The following PCDH15 variants were observed in gnomAD, a reference collection of about 807,000 sequenced individuals.
PCDH15 encodes the protein protocadherin related 15, also known as protocadherin-15.
In PCDH15, 129 loss-of-function variants were observed where a neutral mutation model predicts 178.5. That is an observed-to-expected ratio of 0.72 (90% CI 0.63 to 0.84). The LOEUF (loss-of-function observed/expected upper bound fraction) is 0.84. Ranked by LOEUF, PCDH15 falls within the 40% of genes least tolerant of loss-of-function variation. The probability of loss-of-function intolerance (pLI) is 0.00; values close to 1 mark genes in which losing one functional copy is unlikely to be tolerated. For synonymous variants in PCDH15, 800 were observed against 732.0 expected, an observed-to-expected ratio of 1.09 and a Z score of -1.50; for missense variants, 2,230 against 2,099.9, an observed-to-expected ratio of 1.06 and a Z score of -1.21.
chr10:55,480,721 G>C (rs1227515846), intron 2 of PCDH15, among the ~76,000 whole-genome samples: 1 of 151,816 alleles, frequency 6.6e-6, no homozygotes, highest in South Asian at 2.1e-4. Context: ...TGTGCTGCTG[G>C]AGTCAGTTTG....
chr10:53,892,417 T>C (rs1476756372), intron 26 of PCDH15, among the ~76,000 whole-genome samples: 1 of 152,226 alleles, frequency 6.6e-6, no homozygotes, highest in Non-Finnish European at 1.5e-5. Context: ...TAATACGAAT[T>C]AAAGCAATTT....
At chr10:55,593,462 C>A (rs957313448) in intron 2 of PCDH15, among the ~76,000 whole-genome samples, 1 of 151,412 alleles carries the variant, frequency 6.6e-6, no homozygotes, top group African/African-American at 2.4e-5. Context: ...ATAATATATC[C>A]GAGAAGATAA....
intron 2 of PCDH15, among the ~76,000 whole-genome samples, chr10:54,623,037 C>G (rs913244837): frequency 6.6e-6 from 1 of 151,664 alleles, no homozygotes; most frequent in Non-Finnish European, 1.5e-5. Context: ...CCCACTACTT[C>G]CATATAAAGT....
At chr10:55,045,787 AATTGGTG>A (rs1367252513) in intron 2 of PCDH15, among the ~76,000 whole-genome samples, 5 of 152,006 alleles carry the variant, frequency 3.3e-5, no homozygotes, top group Non-Finnish European at 5.9e-5. Context: ...CAGTAATGTC[AATTGGTG>A]ATGGAGAAAA....
chr10:54,307,141 T>G (rs1180803322), intron 8 of PCDH15, among the ~76,000 whole-genome samples: 1 of 94,128 alleles, frequency 1.1e-5, no homozygotes, highest in African/African-American at 3.8e-5. Context: ...TATATATATA[T>G]ATATATATAA....
At chr10:54,875,428 C>T (rs1954123050) in intron 3 of PCDH15, among the ~76,000 whole-genome samples, 1 of 152,096 alleles carries the variant, frequency 6.6e-6, no homozygotes, top group Non-Finnish European at 1.5e-5. Context: ...TCAAGTATCT[C>T]ACTTTAATTT....
chr10:55,031,210 A>T (rs1840600765), intron 2 of PCDH15, among the ~76,000 whole-genome samples: 1 of 152,182 alleles, frequency 6.6e-6, no homozygotes, highest in African/African-American at 2.4e-5. Flanking sequence ...GCTGATTCTT[A>T]ATGAGCAAAT....
chr10:54,478,585 T>A (rs1174810413), intron 3 of PCDH15, among the ~76,000 whole-genome samples: 1 of 152,108 alleles, frequency 6.6e-6, no homozygotes, highest in Non-Finnish European at 1.5e-5. Flanking sequence ...AACATAAAAA[T>A]AAGCATTTGC....
chr10:54,802,562 C>T (rs1367582903), upstream of PCDH15, among the ~76,000 whole-genome samples: 1 of 152,116 alleles, frequency 6.6e-6, no homozygotes, highest in Non-Finnish European at 1.5e-5. Flanking sequence ...ATACATTATA[C>T]ACTTGTTAGA....
intron 2 of PCDH15, among the ~76,000 whole-genome samples, chr10:54,586,430 T>C (rs1448157869): frequency 6.6e-6 from 1 of 152,160 alleles, no homozygotes; most frequent in African/African-American, 2.4e-5. Flanking sequence ...AGCTAATATA[T>C]ACTGGCTATT....
intron 1 of PCDH15, among the ~76,000 whole-genome samples, chr10:55,226,602 G>A (rs1286249253): frequency 1.3e-5 from 2 of 151,782 alleles, no homozygotes; most frequent in Non-Finnish European, 2.9e-5. Flanking sequence ...GGCTGGTCTC[G>A]AACTCCTGAC....
chr10:54,002,471 C>T (rs371471129), intron 20 of PCDH15, among the ~76,000 whole-genome samples: 42 of 152,200 alleles, frequency 2.8e-4, no homozygotes, highest in African/African-American at 9.9e-4. Context: ...ACATTAAAAA[C>T]TTTGAAATAA....
intron 1 of PCDH15, among the ~76,000 whole-genome samples, chr10:55,175,072 G>T (rs1231424726): frequency 6.6e-6 from 1 of 152,018 alleles, no homozygotes. Context: ...GCCAAGAAAG[G>T]GGAAGAACCT....
chr10:54,403,015 T>C (rs1206155346), intron 3 of PCDH15, among the ~76,000 whole-genome samples: 1 of 152,008 alleles, frequency 6.6e-6, no homozygotes, highest in East Asian at 1.9e-4. Flanking sequence ...ATCCAACAGT[T>C]AGCCAAGCTA....
chr10:54,547,143 G>A (rs1385881334), intron 2 of PCDH15, among the ~76,000 whole-genome samples: 1 of 151,966 alleles, frequency 6.6e-6, no homozygotes, highest in African/African-American at 2.4e-5. Flanking sequence ...TTCATTGCAC[G>A]GTGAGATATG....
At chr10:54,121,315 G>A (rs2095215955) in intron 15 of PCDH15, among the ~76,000 whole-genome samples, 2 of 152,044 alleles carry the variant, frequency 1.3e-5, no homozygotes, top group South Asian at 4.1e-4. Context: ...AACATTTATA[G>A]TGATAAATGC....
intron 25 of PCDH15, among the ~76,000 whole-genome samples, chr10:53,910,991 C>A (rs2083048711): frequency 6.6e-6 from 1 of 152,068 alleles, no homozygotes; most frequent in South Asian, 2.1e-4. Flanking sequence ...ATGAACAAAG[C>A]CTCCAAGAAA....
intron 2 of PCDH15, among the ~76,000 whole-genome samples, chr10:54,975,106 C>T (rs551141622): frequency 2.3e-4 from 35 of 152,270 alleles, no homozygotes; most frequent in African/African-American, 8.2e-4. Flanking sequence ...GCTGAGCTTT[C>T]GGTGTGTAAA....
intron 2 of PCDH15, among the ~76,000 whole-genome samples, chr10:55,346,933 A>G (rs1844775165): frequency 6.6e-6 from 1 of 151,900 alleles, no homozygotes; most frequent in South Asian, 2.1e-4. Flanking sequence ...GATTAAAGTG[A>G]GTTGGGCGCG....
Sources: gnomAD v4.1 joint callset for allele counts (sites outside exome capture counted in the v4.1 genomes callset) on GRCh38, gnomAD v4.1.1 for gene constraint, MANE v1.5 for transcripts, NCBI Gene and HGNC (gene_info 2026-07-23, HGNC 2026-07-21) for gene names.